VWA8: variants seen among roughly 807,000 people sequenced by gnomAD.
VWA8 encodes von Willebrand factor A domain-containing protein 8.
A neutral mutation model predicts 241.5 loss-of-function variants in VWA8; 221 were observed. The ratio of observed to expected loss-of-function variants is 0.91; its 90% CI spans 0.82 to 1.02. VWA8 has a LOEUF of 1.02. Ranked by LOEUF, VWA8 falls within the 50% of genes least tolerant of loss-of-function variation. VWA8 has a pLI of 0.00. For missense variants in VWA8, 2,322 were observed against 2,328.7 expected (o/e 1.00, Z 0.06); for synonymous variants, 852 against 827.1 (o/e 1.03, Z -0.52).
At position 41,570,584 on chromosome 13, in the gene VWA8, A is replaced by G. The variant is rs1299349413; in HGVS notation, c.5493T>C (p.Asp1831=). 6.2e-7 allele frequency: 1 copy of G among 1,614,220 alleles called. No individual in the cohort carries two copies. The highest frequency in any genetic ancestry group is 1.7e-5 in the Admixed American group (1 of 60,032). ...GTATTCCATATCGTGACAGATTTGC[A>G]TCACTCAAGACTATGACAAAGTACT... The part of the protein sequence containing the change: ...ADEYFVIVLS[D]ANLSRYGIHP... Residue 1831 remains aspartate (D), a synonymous_variant, in exon 44 of 45, where the codon GAT becomes GAC. Transcript: ENST00000379310.
At position 41,959,606 on chromosome 13, in the gene VWA8, C is replaced by CTTTTTTTTTTTTTTTTTT. The variant is rs1168629617; in HGVS notation, c.163+1229_163+1246dup. ...ACGAAATACGTGGGACCTAAATATG[C>CTTTTTTTTTTTTTTTTTT]TTTTTTTTTTTTTTTTTTTGAGATG... On this transcript the variant is annotated intron_variant, in intron 1 of 44. Coordinates refer to ENST00000379310, the MANE Select transcript of VWA8 (RefSeq NM_015058.2). Among the ~76,000 whole-genome samples, 9 of 79,638 alleles carry CTTTTTTTTTTTTTTTTTT rather than the reference C, an allele frequency of 1.1e-4. 1 individual carries two copies. Among genetic ancestry groups the CTTTTTTTTTTTTTTTTTT allele is most frequent in the Middle Eastern group, 0.013 (1 of 80 alleles). 52.2% of individuals were successfully genotyped at this position (79,638 alleles called of 152,430 possible). A position where few individuals can be genotyped will look rare whatever the true frequency, so the allele number is the denominator to read the frequency against.
At chr13:41,705,522 G>A (rs1023717794) in intron 26 of VWA8, among the ~76,000 whole-genome samples, 5 of 152,160 alleles carry the variant, frequency 3.3e-5, no homozygotes, top group Admixed American at 1.3e-4. Flanking sequence ...AATAACAGAA[G>A]GAGATACACT....
rs764006405 is a variant in VWA8, at chr13:41,833,359, ACT to A, written c.1586+10_1586+11del. On this transcript the variant is annotated intron_variant, in intron 13 of 44. Transcript: ENST00000379310. ...TGTGTGTCTGTGTGTGATTTTTGTG[ACT>A]CATACCCACCTTTGCAATACAGCAA... The A allele has an allele frequency of 6.3e-7, 1 of 1,592,844 alleles. No individual in the cohort carries two copies. The highest frequency in any genetic ancestry group is 8.5e-7 in the Non-Finnish European group (1 of 1,170,656).
At chr13:41,885,561 G>A (rs1874481185) in intron 8 of VWA8, among the ~76,000 whole-genome samples, 1 of 152,192 alleles carries the variant, frequency 6.6e-6, no homozygotes, top group Admixed American at 6.5e-5. Context: ...AGAGACTGAT[G>A]GAAGCTAGAA....
At position 41,732,155 on chromosome 13, in the gene VWA8, C is replaced by G. The variant is rs2045489619; in HGVS notation, c.2427G>C (p.Arg809Ser). The change falls in exon 22 of 45, where the codon AGG becomes AGC. Residue 809 changes from arginine (R) to serine (S), a missense_variant and splice_region_variant. Arg to Ser is a moderately radical substitution (Grantham distance 110). Transcript: ENST00000379310. ...GCGTAAGAGTTTGTACTGTGGTATC[C>G]CTAAAGTAAAACCAACACATTTTAT... is the stretch of plus-strand genomic sequence containing the variant. ...NRPREYIQLH[R>S]DTTVQTLTLQ... 6.2e-7 allele frequency: 1 copy of G among 1,607,704 alleles called. No individual in the cohort carries two copies. Among genetic ancestry groups the G allele is most frequent in the African/African-American group, 1.3e-5 (1 of 74,702 alleles).
At chr13:41,580,121 C>G (rs1256393550) in intron 42 of VWA8, among the ~76,000 whole-genome samples, 1 of 151,878 alleles carries the variant, frequency 6.6e-6, no homozygotes, top group African/African-American at 2.4e-5. Flanking sequence ...TCCCAAAGTG[C>G]TGGAATTATA....
At chr13:41,894,502 A>G (rs1875006667) in intron 4 of VWA8, among the ~76,000 whole-genome samples, 1 of 152,208 alleles carries the variant, frequency 6.6e-6, no homozygotes, top group African/African-American at 2.4e-5. Context: ...AGAGACCTCA[A>G]TTTAAGAATC....
intron 20 of VWA8, among the ~76,000 whole-genome samples, chr13:41,767,417 C>G (rs539473688): frequency 9.7e-4 from 148 of 152,220 alleles, no homozygotes; most frequent in African/African-American, 3.3e-3. Context: ...AATAGAGAGG[C>G]CTTAGACAAG....
chr13:41,628,996 G>A (rs559545681), intron 37 of VWA8, among the ~76,000 whole-genome samples: 4 of 152,108 alleles, frequency 2.6e-5, no homozygotes, highest in South Asian at 2.1e-4. Context: ...AGCCATGATC[G>A]CACCACTGCA....
chr13:41,820,279 A>G (rs1231085126), intron 14 of VWA8, among the ~76,000 whole-genome samples: 3 of 152,224 alleles, frequency 2.0e-5, no homozygotes, highest in Admixed American at 1.3e-4. Context: ...TCAGAAAAAC[A>G]AAAATATAGG....
intron 2 of VWA8, among the ~76,000 whole-genome samples, chr13:41,930,696 C>A (rs1213335528): frequency 6.6e-6 from 1 of 152,172 alleles, no homozygotes; most frequent in South Asian, 2.1e-4. Flanking sequence ...TACCTTCAGG[C>A]TACGTGTATA....
intron 40 of VWA8, among the ~76,000 whole-genome samples, chr13:41,604,696 A>T (rs2044542230): frequency 6.6e-6 from 1 of 152,134 alleles, no homozygotes; most frequent in Non-Finnish European, 1.5e-5. Flanking sequence ...TTTGTCCTGA[A>T]ATGAGGCTTT....
At chr13:41,779,642 T>C (rs1275354713) in intron 19 of VWA8, among the ~76,000 whole-genome samples, 2 of 152,188 alleles carry the variant, frequency 1.3e-5, no homozygotes, top group African/African-American at 4.8e-5. Flanking sequence ...CTGGTGGGAA[T>C]ATAGCATGGA....
At chr13:41,624,196 G>C (rs2044674474) in intron 37 of VWA8, among the ~76,000 whole-genome samples, 1 of 151,982 alleles carries the variant, frequency 6.6e-6, no homozygotes, top group Admixed American at 6.6e-5. Context: ...CTACCAACCA[G>C]AAAAATTCCT....
Position 41,680,393 on chromosome 13 carries a change from A to G in VWA8, c.4327+4654T>C, listed in dbSNP as rs56316954. 4.8e-3 allele frequency among the ~76,000 whole-genome samples: 735 copies of G among 152,274 alleles called. 3 individuals are homozygous for G. Among genetic ancestry groups the G allele is most frequent in the South Asian group, 0.015 (72 of 4,824 alleles). On this transcript the variant is annotated intron_variant, in intron 35 of 44. Transcript: ENST00000379310. Reference sequence around the variant, plus strand: ...CCTGGGATCTTCCTTCACCATGCTCATAGGGATTTTCATTCTTTCTCTCTT... The same window carrying G: ...CCTGGGATCTTCCTTCACCATGCTCGTAGGGATTTTCATTCTTTCTCTCTT...
At chr13:41,863,186 T>TATATATATATATATA in intron 12 of VWA8, among the ~76,000 whole-genome samples, 1 of 151,262 alleles carries the variant, frequency 6.6e-6, no homozygotes, top group African/African-American at 2.4e-5. Flanking sequence ...GCAAGACGGG[T>TATATATATATATATA]CTAGCCTCCC....
intron 37 of VWA8, among the ~76,000 whole-genome samples, chr13:41,664,213 A>C (rs2044971357): frequency 6.6e-6 from 1 of 152,096 alleles, no homozygotes; most frequent in Admixed American, 6.5e-5. Context: ...CTAGCCGGAA[A>C]TCCTTTTCCC....
Position 41,833,476 on chromosome 13 carries a change from G to GT in VWA8, c.1480dup (p.Thr494AsnfsTer40), listed in dbSNP as rs1871570864. On this transcript the variant is annotated frameshift_variant, in exon 13 of 45. Coordinates refer to ENST00000379310, the MANE Select transcript of VWA8 (RefSeq NM_015058.2). LOFTEE classifies it high-confidence loss of function. ...CACAAGGGGTGAGGACCGCCAGGCA[G>GT]TGTCTCCATTTGGAAGGGTGTATCT... 4.3e-6 allele frequency: 7 copies of GT among 1,613,860 alleles called. No individual in the cohort carries two copies. In the Admixed American group the frequency reaches 6.7e-5, roughly 15 times the overall value.
Position 41,615,006 on chromosome 13 carries a change from C to A in VWA8, c.4690G>T (p.Val1564Leu). 1 of 1,613,698 alleles carries A rather than the reference C, an allele frequency of 6.2e-7. No individual in the cohort carries two copies. The highest frequency in any genetic ancestry group is 8.5e-7 in the Non-Finnish European group (1 of 1,179,970). The change falls in exon 38 of 45, where the codon GTG (valine) becomes TTG (leucine). Residue 1564 changes from valine to leucine, a missense_variant. Coordinates refer to ENST00000379310, the MANE Select transcript of VWA8 (RefSeq NM_015058.2). ...CCGCCAGCCCAAGTGTTGCCGCCCA[C>A]GTGAGGCATGTTGTCTGGGTCCTCC... Reference protein sequence around the residue: ...GKEDPDNMPHVGGNTWAGGTG... With the variant: ...GKEDPDNMPHLGGNTWAGGTG...
Sources: gnomAD v4.1 joint callset for allele counts (sites outside exome capture counted in the v4.1 genomes callset) on GRCh38, gnomAD v4.1.1 for gene constraint, MANE v1.5 for transcripts, NCBI Gene and HGNC (gene_info 2026-07-23, HGNC 2026-07-21) for gene names.